Variants in PDE6C observed in about 807,000 individuals in gnomAD.
PDE6C encodes phosphodiesterase 6C.
A neutral mutation model predicts 113.1 loss-of-function variants in PDE6C; 75 were observed. The ratio of observed to expected loss-of-function variants is 0.66; its 90% CI spans 0.55 to 0.80. The LOEUF is 0.80. PDE6C is among the 30% of genes least tolerant of loss of function. The probability of loss-of-function intolerance (pLI) is 0.00; values close to 1 mark genes in which losing one functional copy is unlikely to be tolerated. For missense variants in PDE6C, 912 were observed against 1,038.6 expected (o/e 0.88, Z 1.67); for synonymous variants, 375 against 363.7 (o/e 1.03, Z -0.35).
chr10:93,614,994 C>T (rs1309496886), intron 1 of PDE6C, among the ~76,000 whole-genome samples: 1 of 152,148 alleles, frequency 6.6e-6, no homozygotes, highest in Non-Finnish European at 1.5e-5. Flanking sequence ...TCTGGCTGTA[C>T]ATTAAAACCA....
chr10:93,632,649 A>G lies in PDE6C; in HGVS notation c.1120-2109A>G, dbSNP rs145361983. Among the ~76,000 whole-genome samples the G allele has an allele frequency of 4.0e-3, 615 of 152,348 alleles. 2 individuals carry two copies. Among genetic ancestry groups the G allele is most frequent in the Middle Eastern group, 0.024 (7 of 294 alleles). On this transcript the variant is annotated intron_variant, in intron 8 of 21. Transcript: ENST00000371447. ...ATACGCATGAAGTTCTTTCACACGC[A>G]TGTGATATATTCTCTATTACTGATT...
rs747018837 is a variant in PDE6C at position 93,622,003 on chromosome 10, C to A, written c.795C>A (p.Leu265=). ...TTGAGCGACAGTTTCACAAAGCGCT[C>A]TACACGGTTAGATCATATCTGAACT... ...TDVERQFHKA[L]YTVRSYLNCE... is the part of the protein sequence containing the mutation. The change falls in exon 4 of 22, where the codon CTC becomes CTA. Residue 265 remains leucine, a synonymous_variant. Transcript: ENST00000371447. 1 of 1,613,840 alleles carries A rather than the reference C, an allele frequency of 6.2e-7. No homozygotes were observed. Among genetic ancestry groups the A allele is most frequent in the Non-Finnish European group, 8.5e-7 (1 of 1,179,762 alleles).
chr10:93,657,563 A>C (rs1297463661), intron 16 of PDE6C, among the ~76,000 whole-genome samples: 1 of 152,076 alleles, frequency 6.6e-6, no homozygotes. Context: ...TATTCATGCA[A>C]CATTGTGTTT....
chr10:93,631,167 C>A (rs1377621435), intron 8 of PDE6C, among the ~76,000 whole-genome samples: 1 of 152,182 alleles, frequency 6.6e-6, no homozygotes, highest in East Asian at 1.9e-4. Context: ...CTCCCCGGGG[C>A]CTTGGGGAGT....
At chr10:93,618,314 CTA>C (rs2058429809) in intron 1 of PDE6C, among the ~76,000 whole-genome samples, 1 of 152,006 alleles carries the variant, frequency 6.6e-6, no homozygotes, top group Non-Finnish European at 1.5e-5. Context: ...TCAGCCTATA[CTA>C]TGTTATTCTA....
intron 14 of PDE6C, among the ~76,000 whole-genome samples, chr10:93,644,331 T>C (rs1279837747): frequency 6.6e-6 from 1 of 152,212 alleles, no homozygotes; most frequent in Non-Finnish European, 1.5e-5. Context: ...AATAACATTT[T>C]TTAACTAATG....
chr10:93,624,902 C>T (rs989146323), intron 4 of PDE6C, among the ~76,000 whole-genome samples: 9 of 152,172 alleles, frequency 5.9e-5, no homozygotes, highest in Non-Finnish European at 1.2e-4. Flanking sequence ...ATGGCTGTTG[C>T]AGCTCAAATC....
chr10:93,634,806 C>T lies in PDE6C; in HGVS notation c.1168C>T (p.Leu390=). The change falls in exon 9 of 22, where the codon CTG becomes TTG. Residue 390 remains leucine, a synonymous_variant. Transcript: ENST00000371447. ...TGWVIKNVLS[L]PIVNKKEDIV... ...TTGGGTCATTAAGAATGTTTTGTCC[C>T]TGCCTATTGTCAACAAGAAAGAAGA... 6.2e-7 allele frequency: 1 copy of T among 1,614,118 alleles called. No individual in the cohort carries two copies. Among genetic ancestry groups the T allele is most frequent in the Non-Finnish European group, 8.5e-7 (1 of 1,179,980 alleles).
chr10:93,638,282 A>T (rs1448917926), intron 11 of PDE6C, among the ~76,000 whole-genome samples: 2 of 152,060 alleles, frequency 1.3e-5, no homozygotes, highest in East Asian at 3.8e-4. Context: ...CCTCCCACCC[A>T]GGGCCTTTGC....
chr10:93,640,678 C>G, intron 13 of PDE6C, 121 bp downstream of exon 13: 1 of 793,796 alleles, frequency 1.3e-6, no homozygotes, highest in Non-Finnish European at 2.2e-6. Flanking sequence ...ACAAACCCCT[C>G]TCCGCTGCAG....
At chr10:93,659,609 A>G (rs968043062) in intron 18 of PDE6C, among the ~76,000 whole-genome samples, 2 of 152,198 alleles carry the variant, frequency 1.3e-5, no homozygotes, top group Non-Finnish European at 2.9e-5. Flanking sequence ...GTGGCAGGCA[A>G]GAGAGAGCGT....
intron 15 of PDE6C, among the ~76,000 whole-genome samples, chr10:93,651,644 A>G (rs1807427458): frequency 6.6e-6 from 1 of 152,004 alleles, no homozygotes; most frequent in African/African-American, 2.4e-5. Context: ...CCATATCAAC[A>G]CCTCTTTGAT....
At chr10:93,638,776 G>T (rs1164986606) in intron 11 of PDE6C, among the ~76,000 whole-genome samples, 1 of 152,128 alleles carries the variant, frequency 6.6e-6, no homozygotes. Flanking sequence ...CTCTCTCCAG[G>T]CCTGCACTTT....
In PDE6C at chr10:93,636,395, T is replaced by TGTGTGTG. The variant is rs1554890078; in HGVS notation, c.1414-599_1414-593dup. Among the ~76,000 whole-genome samples, 102 of 148,636 alleles carry TGTGTGTG rather than the reference T, an allele frequency of 6.9e-4. 2 individuals are homozygous for TGTGTGTG. The East Asian group carries it at 0.01, about 15-fold the overall frequency. Reference sequence around the variant, plus strand: ...GTGTGTGTGTGTGTGTGTGTGTGTGTGTGTGTGTGTGTAGTTTTGCTGGAG... The same window carrying TGTGTGTG: ...GTGTGTGTGTGTGTGTGTGTGTGTGTGTGTGTGGTGTGTGTGTGTAGTTTTGCTGGAG... On this transcript the variant is annotated intron_variant, in intron 10 of 21. Coordinates refer to ENST00000371447, the MANE Select transcript of PDE6C (RefSeq NM_006204.4).
In PDE6C at chr10:93,636,988, AT is replaced by A; in HGVS notation, c.1414-3del. ...AATTTCACACCTCAATTGCTTTTAC[AT>A]TTTAGAAATTTCAAGAGAAGTTAAA... is the stretch of plus-strand genomic sequence containing the variant. On this transcript the variant is annotated splice_region_variant and splice_polypyrimidine_tract_variant and intron_variant, in intron 10 of 21. Coordinates refer to ENST00000371447, the MANE Select transcript of PDE6C (RefSeq NM_006204.4). The A allele has an allele frequency of 6.5e-7, 1 of 1,537,312 alleles. No individual in the cohort carries two copies. The highest frequency in any genetic ancestry group is 9.0e-7 in the Non-Finnish European group (1 of 1,110,550).
chr10:93,629,494 T>A (rs1409334), intron 8 of PDE6C, among the ~76,000 whole-genome samples, 189 bp downstream of exon 8: 55,527 of 151,714 alleles, frequency 0.37, 10,325 homozygotes, highest in East Asian at 0.46. Context: ...GAAAAGAAGG[T>A]TAAGACAGAA....
rs749075337 is a variant in PDE6C, at chr10:93,612,828, G to A, written c.103G>A (p.Glu35Lys). ...DRKLRVEVLG[E>K]IFKNSQVPVQ... ...GAAGTTGCGGGTGGAGGTGCTGGGA[G>A]AAATCTTCAAGAACAGCCAGGTGCC... is the stretch of plus-strand genomic sequence containing the variant. Residue 35 changes from glutamate (E) to lysine (K), a missense_variant, in exon 1 of 22, where the codon GAA (glutamate) becomes AAA (lysine). Glu to Lys is a moderately conservative substitution (Grantham distance 56). Transcript: ENST00000371447. 1.2e-6 allele frequency: 2 copies of A among 1,614,186 alleles called. No individual in the cohort carries two copies. Among genetic ancestry groups the A allele is most frequent in the Non-Finnish European group, 1.7e-6 (2 of 1,180,028 alleles).
intron 1 of PDE6C, among the ~76,000 whole-genome samples, chr10:93,617,330 C>A (rs1265777217): frequency 6.6e-6 from 1 of 152,162 alleles, no homozygotes. Context: ...TTATCTAGGG[C>A]TTTCAGATGC....
intron 21 of PDE6C, among the ~76,000 whole-genome samples, chr10:93,663,389 C>G (rs1368876469): frequency 6.6e-6 from 1 of 152,114 alleles, no homozygotes; most frequent in African/African-American, 2.4e-5. Context: ...TCGAATTGAC[C>G]GGTCCAGTTG....
Sources: gnomAD v4.1 joint callset for allele counts (sites outside exome capture counted in the v4.1 genomes callset) on GRCh38, gnomAD v4.1.1 for gene constraint, MANE v1.5 for transcripts, NCBI Gene and HGNC (gene_info 2026-07-23, HGNC 2026-07-21) for gene names.